HMCN2: variants seen among roughly 807,000 people sequenced by gnomAD.
HMCN2 encodes hemicentin-2.
HMCN2 carries 325 observed loss-of-function variants against 377.5 expected under a neutral mutation model. The observed-to-expected ratio is 0.86, with a 90% CI of 0.79 to 0.94. HMCN2 has a LOEUF of 0.94. Ranked by LOEUF, HMCN2 falls within the 40% of genes least tolerant of loss-of-function variation. HMCN2 has a pLI of 0.00. For synonymous variants in HMCN2, 2,007 were observed against 2,046.8 expected (o/e 0.98, Z 0.53); for missense variants, 4,543 against 4,725.3 (o/e 0.96, Z 1.13).
chr9:130,377,868 G>T (rs950233021), intron 53 of HMCN2, 69 bp downstream of exon 53: 5 of 969,870 alleles, frequency 5.2e-6, no homozygotes, highest in Non-Finnish European at 3.7e-6. Flanking sequence ...CTGGCCCTCC[G>T]CAGGCCCCCA....
Position 130,375,702 on chromosome 9 carries a change from G to A in HMCN2, c.7770G>A (p.Pro2590=), listed in dbSNP as rs1841338719. 1.6e-5 allele frequency: 16 copies of A among 985,826 alleles called. No homozygotes were observed. The South Asian group carries it at 1.9e-4, about 12-fold the overall frequency. The allele number at this position is 985,826 out of a possible 1,614,324, so 61.1% of individuals were successfully genotyped here. A position where few individuals can be genotyped will look rare whatever the true frequency, so the allele number is the denominator to read the frequency against. The change falls in exon 50 of 98, where the codon CCG becomes CCA. Residue 2590 remains proline (P), a synonymous_variant. Transcript: ENST00000683500. The stretch of plus-strand genomic sequence containing the variant: ...TCACCTGGATGAAGGACGGGGCCCC[G>A]TTTGAGGCCTCCAGGAACATCCAGC... ...PNITWMKDGA[P]FEASRNIQLL...
At chr9:130,312,584 C>CT (rs1837323018) in intron 15 of HMCN2, among the ~76,000 whole-genome samples, 1 of 86,188 alleles carries the variant, frequency 1.2e-5, no homozygotes, top group African/African-American at 4.6e-5. Flanking sequence ...TTCTTTCTTT[C>CT]TTTCTTTCTT....
intron 85 of HMCN2, among the ~76,000 whole-genome samples, chr9:130,412,696 C>T (rs2131759637): frequency 6.6e-6 from 1 of 152,086 alleles, no homozygotes; most frequent in South Asian, 2.1e-4. Flanking sequence ...TGTGCCTCAG[C>T]CTCCCAAGTA....
At chr9:130,312,056 C>T (rs1000317598) in intron 15 of HMCN2, among the ~76,000 whole-genome samples, 1 of 152,172 alleles carries the variant, frequency 6.6e-6, no homozygotes, top group Non-Finnish European at 1.5e-5. Flanking sequence ...CTCACAACAA[C>T]CCTTGGAGAT....
chr9:130,425,043 T>G lies in HMCN2; in HGVS notation c.13554T>G (p.Gly4518=). The change falls in exon 89 of 98, where the codon GGT becomes GGG. Residue 4518 remains glycine, a synonymous_variant. Coordinates refer to ENST00000683500, the MANE Select transcript of HMCN2 (RefSeq NM_001291815.2). ...TCACGATGACCCAGGTGGCCCGGGG[T>G]CTGGATCCCGATGGCCTCCTGCTCC... The part of the protein sequence containing the change: ...ELLTMTQVAR[G]LDPDGLLLLD... 1 of 1,549,064 alleles carries G rather than the reference T, an allele frequency of 6.5e-7. No individual in the cohort carries two copies.
chr9:130,312,922 A>C (rs1837347010), intron 15 of HMCN2, among the ~76,000 whole-genome samples: 1 of 152,114 alleles, frequency 6.6e-6, no homozygotes, highest in South Asian at 2.1e-4. Context: ...GGCCTCCCAA[A>C]GTGCTGGGAT....
intron 8 of HMCN2, among the ~76,000 whole-genome samples, 159 bp downstream of exon 8, chr9:130,299,447 T>C (rs1476730243): frequency 6.6e-6 from 1 of 152,152 alleles, no homozygotes; most frequent in Non-Finnish European, 1.5e-5. Context: ...TTATGTTAAA[T>C]ACTAAGATGC....
intron 3 of HMCN2, 104 bp downstream of exon 3, chr9:130,285,420 G>A: frequency 2.5e-6 from 1 of 408,044 alleles, no homozygotes; most frequent in South Asian, 1.8e-5. Context: ...AGCAGAGCTG[G>A]GCACTTCTCT....
At chr9:130,402,988 C>G (rs1261697369) in intron 78 of HMCN2, 92 bp downstream of exon 78, 1 of 1,078,090 alleles carries the variant, frequency 9.3e-7, no homozygotes, top group African/African-American at 1.6e-5. Context: ...GGAGGTGAGG[C>G]CCCGGGTCTC....
intron 61 of HMCN2, among the ~76,000 whole-genome samples, chr9:130,387,493 G>A (rs753085830): frequency 3.9e-5 from 6 of 152,184 alleles, no homozygotes; most frequent in Non-Finnish European, 7.3e-5. Flanking sequence ...ACAGGAAGCA[G>A]AAAAGAGCAG....
At chr9:130,298,819 T>C (rs1836311978) in intron 7 of HMCN2, among the ~76,000 whole-genome samples, 1 of 152,064 alleles carries the variant, frequency 6.6e-6, no homozygotes, top group Non-Finnish European at 1.5e-5. Context: ...CTGTGGTGTT[T>C]CAGCACCACG....
chr9:130,381,362 G>A (rs969787563), intron 54 of HMCN2, among the ~76,000 whole-genome samples: 3 of 151,540 alleles, frequency 2.0e-5, no homozygotes, highest in East Asian at 1.9e-4. Context: ...CCAGGCTCTG[G>A]CCTTGGATGG....
At chr9:130,311,634 G>A (rs1261152729) in intron 15 of HMCN2, among the ~76,000 whole-genome samples, 1 of 152,234 alleles carries the variant, frequency 6.6e-6, no homozygotes, top group Admixed American at 6.5e-5. Context: ...CTTCTTGGAG[G>A]AGGTGATGTC....
At position 130,393,457 on chromosome 9, in the gene HMCN2, C is replaced by T. The variant is rs1842437368; in HGVS notation, c.10234+148C>T. 1.9e-5 allele frequency: 9 copies of T among 471,842 alleles called. No homozygotes were observed. The highest frequency in any genetic ancestry group is 2.6e-5 in the Non-Finnish European group (9 of 341,432). 29.2% of individuals were successfully genotyped at this position (471,842 alleles called of 1,614,324 possible). On this transcript the variant is annotated intron_variant, in intron 67 of 97. Coordinates refer to ENST00000683500, the MANE Select transcript of HMCN2 (RefSeq NM_001291815.2). The surrounding 1 kb of genome is among the most constrained non-coding windows in gnomAD (Gnocchi z 5.2). ...ACACTGCGGCTCAGTCTCTGACTCA[C>T]TGTATTGCTCGTTTGTACCTCACAA...
intron 77 of HMCN2, among the ~76,000 whole-genome samples, chr9:130,401,995 T>C (rs1260284190): frequency 1.3e-5 from 2 of 152,076 alleles, no homozygotes; most frequent in Non-Finnish European, 2.9e-5. Context: ...GAGGATTGCT[T>C]GAGTGTAGGA....
chr9:130,432,243 G>A (rs1310600129), intron 96 of HMCN2, among the ~76,000 whole-genome samples, 186 bp from the exon 97 acceptor site: 4 of 152,156 alleles, frequency 2.6e-5, no homozygotes, highest in African/African-American at 4.8e-5. Context: ...CTGGCCCCCC[G>A]AGGGAGATGA....
intron 61 of HMCN2, among the ~76,000 whole-genome samples, chr9:130,388,140 G>A (rs1033796206): frequency 2.0e-5 from 3 of 152,138 alleles, no homozygotes; most frequent in East Asian, 1.9e-4. Context: ...TGTTGGGATC[G>A]ATTAGTGATG....
At chr9:130,431,334 C>T (rs1366716932) in intron 95 of HMCN2, 33 bp from the exon 96 acceptor site, 6 of 1,525,710 alleles carry the variant, frequency 3.9e-6, no homozygotes, top group Non-Finnish European at 5.3e-6. Flanking sequence ...CTGCCCCCAT[C>T]CCCCACCTGC....
chr9:130,371,371 C>A (rs757756293), intron 46 of HMCN2, among the ~76,000 whole-genome samples: 1 of 149,436 alleles, frequency 6.7e-6, no homozygotes, highest in African/African-American at 2.5e-5. Context: ...TCTAGAGAAC[C>A]ACAATGAACA....
Sources: allele counts gnomAD v4.1 joint callset (sites outside exome capture counted in the v4.1 genomes callset), GRCh38; gene constraint gnomAD v4.1.1; non-coding constraint Gnocchi (gnomAD v3.1); transcripts MANE v1.5; gene names NCBI Gene and HGNC (gene_info 2026-07-23, HGNC 2026-07-21).